DMD: variants seen among roughly 807,000 people sequenced by gnomAD.
The protein encoded by DMD is mutant dystrophin.
DMD carries 63 observed loss-of-function variants against 330.1 expected under a neutral mutation model. The observed-to-expected ratio is 0.19, with a 90% confidence interval of 0.16 to 0.24. The LOEUF (loss-of-function observed/expected upper bound fraction) is 0.24, where lower values mean the gene tolerates loss of function less well. Among genes scored for constraint, DMD ranks in the 10% least tolerant of loss-of-function variants. The pLI is 1.00. For synonymous variants in DMD, 1,223 were observed against 959.8 expected (o/e 1.27, Z -5.07); for missense variants, 3,344 against 2,684.1 (o/e 1.25, Z -5.43).
intron 2 of DMD, among the ~76,000 whole-genome samples, chrX:32,938,346 T>G (rs1848657140): frequency 8.9e-6 from 1 of 111,976 alleles, no homozygotes; most frequent in African/African-American, 3.2e-5. Context: ...ATAGTCCAGA[T>G]TACTTGCATA....
intron 4 of DMD, among the ~76,000 whole-genome samples, chrX:32,842,882 A>G (rs2080297757): frequency 9.0e-6 from 1 of 110,577 alleles, no homozygotes; most frequent in Non-Finnish European, 1.9e-5. Flanking sequence ...ATCTCCACTC[A>G]CTGCAACCTC....
chrX:32,842,562 T>G (rs761402186), intron 4 of DMD, among the ~76,000 whole-genome samples: 2 of 111,217 alleles, frequency 1.8e-5, no homozygotes, highest in East Asian at 5.7e-4. Flanking sequence ...CTTTCATGAT[T>G]TATCACGTAG....
Position 32,891,590 on chromosome X carries a change from A to C in DMD, c.94-41770T>G, listed in dbSNP as rs145336927. Among the ~76,000 whole-genome samples the C allele has an allele frequency of 3.2e-3, 358 of 111,943 alleles. 10 individuals carry two copies. In the East Asian group the frequency reaches 0.062, roughly 19 times the overall value. ...CAAATGAGAAAAATCAGGCTTCCTT[A>C]TTCTACTCCAACACTTTCCAACTGT... On this transcript the variant is annotated intron_variant, in intron 2 of 78. Coordinates refer to ENST00000357033, the MANE Select transcript of DMD (RefSeq NM_004006.3).
chrX:32,692,807 C>A (rs992661920), intron 9 of DMD, among the ~76,000 whole-genome samples: 1 of 111,940 alleles, frequency 8.9e-6, no homozygotes, highest in African/African-American at 3.2e-5. Flanking sequence ...TTTCTCAGAT[C>A]AGACCACAAA....
chrX:32,254,237 T>C (rs1017383409), intron 43 of DMD, among the ~76,000 whole-genome samples: 40 of 111,446 alleles, frequency 3.6e-4, no homozygotes, highest in African/African-American at 1.3e-3. Flanking sequence ...AGATGGGGTT[T>C]CACCATGTTG....
chrX:32,701,714 C>G (rs1603179505), intron 7 of DMD, among the ~76,000 whole-genome samples: 1 of 111,291 alleles, frequency 9.0e-6, no homozygotes, highest in East Asian at 2.8e-4. Flanking sequence ...TGCCTATTCA[C>G]TGCTGTGTTA....
At chrX:32,232,284 A>G (rs956088304) in intron 43 of DMD, among the ~76,000 whole-genome samples, 7 of 112,246 alleles carry the variant, frequency 6.2e-5, no homozygotes, top group Admixed American at 1.9e-4. Flanking sequence ...ATTAATTTCA[A>G]GGCAGATTTC....
chrX:33,186,935 T>C (rs1164950663), intron 1 of DMD, among the ~76,000 whole-genome samples: 1 of 112,153 alleles, frequency 8.9e-6, no homozygotes, highest in Non-Finnish European at 1.9e-5. Context: ...ACATTTTGCT[T>C]TTCATTTCCA....
intron 26 of DMD, among the ~76,000 whole-genome samples, chrX:32,454,304 A>C (rs1269037795): frequency 9.0e-6 from 1 of 111,263 alleles, no homozygotes; most frequent in Non-Finnish European, 1.9e-5. Flanking sequence ...ACTACATTAT[A>C]AATTTGTCTT....
Position 31,444,508 on chromosome X carries a change from G to T in DMD, c.9057C>A (p.Asp3019Glu). The T allele has an allele frequency of 1.7e-6, 2 of 1,211,544 alleles. No individual in the cohort carries two copies. The highest frequency in any genetic ancestry group is 2.2e-6 in the Non-Finnish European group (2 of 895,399). ...LSPYNLSTLE[D>E]LNTRWKLLQV... ...GCAGAAGCTTCCATCTGGTGTTCAG[G>T]TCTTCCAGAGTGCTGAGGTTATACG... The change falls in exon 60 of 79, where the codon GAC (aspartate) becomes GAA (glutamate). Residue 3019 changes from aspartate to glutamate, a missense_variant. Physicochemically the swap from Asp to Glu is conservative, Grantham distance 45. Coordinates refer to ENST00000357033, the MANE Select transcript of DMD (RefSeq NM_004006.3).
chrX:31,420,532 A>G (rs1204919865), intron 60 of DMD, among the ~76,000 whole-genome samples: 1 of 112,477 alleles, frequency 8.9e-6, no homozygotes, highest in Non-Finnish European at 1.9e-5. Flanking sequence ...GTTTTTTTTA[A>G]TCACCCTTAT....
chrX:32,943,707 A>T (rs1393636223), intron 2 of DMD, among the ~76,000 whole-genome samples: 1 of 111,987 alleles, frequency 8.9e-6, no homozygotes, highest in Non-Finnish European at 1.9e-5. Flanking sequence ...GTCAAGTGTA[A>T]GCACGCTTTC....
chrX:31,428,342 C>T (rs889442083), intron 60 of DMD, among the ~76,000 whole-genome samples: 1 of 111,173 alleles, frequency 9.0e-6, no homozygotes, highest in South Asian at 3.8e-4. Flanking sequence ...CCATGTGACA[C>T]GCTGGTTCTC....
chrX:32,492,970 T>C (rs1323439497), intron 19 of DMD, among the ~76,000 whole-genome samples: 1 of 111,618 alleles, frequency 9.0e-6, no homozygotes, highest in African/African-American at 3.3e-5. Flanking sequence ...TTGCCTAAGA[T>C]AATCTACTTT....
chrX:33,175,724 T>C (rs990266110), intron 1 of DMD, among the ~76,000 whole-genome samples: 2 of 111,866 alleles, frequency 1.8e-5, no homozygotes, highest in African/African-American at 3.3e-5. Context: ...CGAGGCCAGT[T>C]TTCTGATTAG....
chrX:31,181,082 AATG>A (rs773604542), intron 68 of DMD, among the ~76,000 whole-genome samples: 1 of 111,895 alleles, frequency 8.9e-6, no homozygotes, highest in African/African-American at 3.2e-5. Flanking sequence ...ATTACCTACA[AATG>A]ATAACTGAAG....
intron 7 of DMD, among the ~76,000 whole-genome samples, chrX:32,701,659 A>G (rs889304936): frequency 7.2e-5 from 8 of 111,609 alleles, no homozygotes; most frequent in Non-Finnish European, 1.5e-4. Context: ...TTTTTAGTAT[A>G]TTAAATAAAA....
chrX:32,876,685 AT>A (rs1217983368), intron 2 of DMD, among the ~76,000 whole-genome samples: 14 of 110,407 alleles, frequency 1.3e-4, no homozygotes, highest in East Asian at 2.8e-4. Context: ...GCTGAAAGAT[AT>A]TTTTTTTTAA....
chrX:32,535,471 TTC>T (rs1200748406), intron 17 of DMD, among the ~76,000 whole-genome samples: 2 of 111,818 alleles, frequency 1.8e-5, no homozygotes, highest in African/African-American at 6.5e-5. Flanking sequence ...CTGCTGTGGC[TTC>T]TGTTTTCTCT....
Sources: allele counts gnomAD v4.1 joint callset (sites outside exome capture counted in the v4.1 genomes callset), GRCh38; gene constraint gnomAD v4.1.1; transcripts MANE v1.5; gene names NCBI Gene and HGNC (gene_info 2026-07-23, HGNC 2026-07-21).